The following SEC63 variants were observed in gnomAD, a reference collection of about 807,000 sequenced individuals.
SEC63 encodes SEC63 protein translocation regulator.
A neutral mutation model predicts 116.2 loss-of-function variants in SEC63; 56 were observed. The observed-to-expected ratio is 0.48, with a 90% CI of 0.39 to 0.60. The LOEUF is 0.60. SEC63 is among the 20% of genes least tolerant of loss of function. The probability of loss-of-function intolerance (pLI) is 0.00; values close to 1 mark genes in which losing one functional copy is unlikely to be tolerated. For synonymous variants in SEC63, 273 were observed against 294.6 expected (o/e 0.93, Z 0.75); for missense variants, 668 against 900.0 (o/e 0.74, Z 3.30).
intron 1 of SEC63, among the ~76,000 whole-genome samples, chr6:107,933,769 T>C (rs4945799): frequency 3.3e-5 from 5 of 150,940 alleles, no homozygotes; most frequent in Admixed American, 1.3e-4. Context: ...CTCTGATGTC[T>C]AGCCGAAGCT....
intron 4 of SEC63, among the ~76,000 whole-genome samples, chr6:107,916,476 C>A (rs1338111158): frequency 6.6e-6 from 1 of 152,176 alleles, no homozygotes; most frequent in Non-Finnish European, 1.5e-5. Context: ...GTGATATCTC[C>A]CAAACTTCTG....
chr6:107,901,831 T>G (rs1352234523), intron 12 of SEC63, among the ~76,000 whole-genome samples: 2 of 152,124 alleles, frequency 1.3e-5, no homozygotes, highest in African/African-American at 2.4e-5. Flanking sequence ...CCTCAGTTTA[T>G]TTTCAATTTT....
intron 10 of SEC63, among the ~76,000 whole-genome samples, chr6:107,905,084 G>A (rs1787116478): frequency 6.6e-6 from 1 of 152,210 alleles, no homozygotes; most frequent in Non-Finnish European, 1.5e-5. Context: ...CAGGGGGAGA[G>A]ATAAGAGACG....
chr6:107,927,778 AATG>A lies in SEC63; in HGVS notation c.224+1634_224+1636del, dbSNP rs575989795. 1.2e-3 allele frequency among the ~76,000 whole-genome samples: 176 copies of A among 152,302 alleles called. 2 individuals are homozygous for A. The highest frequency in any genetic ancestry group is 4.1e-3 in the African/African-American group (170 of 41,552). ...ATGGATGCTCAAGTCCGCAGTATAA[AATG>A]ATGTAGTATTTGCATATAACCTATA... is the stretch of plus-strand genomic sequence containing the variant. On this transcript the variant is annotated intron_variant, in intron 2 of 20. Coordinates refer to ENST00000369002, the MANE Select transcript of SEC63 (RefSeq NM_007214.5).
At chr6:107,894,026 A>G (rs1786756744) in intron 14 of SEC63, 129 bp from the exon 15 acceptor site, 2 of 960,200 alleles carry the variant, frequency 2.1e-6, no homozygotes, top group Non-Finnish European at 1.6e-6. Context: ...AAAGAAGGAG[A>G]CGTTTAGCAA....
chr6:107,946,025 C>T (rs1377328709), intron 1 of SEC63, among the ~76,000 whole-genome samples: 1 of 152,100 alleles, frequency 6.6e-6, no homozygotes, highest in African/African-American at 2.4e-5. Context: ...TAACCTCTGC[C>T]TCCCAGGTTC....
intron 1 of SEC63, among the ~76,000 whole-genome samples, chr6:107,946,994 ACT>A (rs1486147001): frequency 2.0e-5 from 3 of 152,092 alleles, no homozygotes; most frequent in Non-Finnish European, 2.9e-5. Flanking sequence ...ACAGGGCAAG[ACT>A]CTGTCTCAAA....
At position 107,921,902 on chromosome 6, in the gene SEC63, G is replaced by C. The variant is rs141934403; in HGVS notation, c.347C>G (p.Thr116Arg). The C allele has an allele frequency of 3.9e-6, 6 of 1,530,532 alleles. No homozygotes were observed. In the African/African-American group the frequency reaches 1.0e-4, roughly 26 times the overall value. The allele number at this position is 1,530,532 out of a possible 1,614,324, so 94.8% of individuals were successfully genotyped here. A position where few individuals can be genotyped will look rare whatever the true frequency, so the allele number is the denominator to read the frequency against. The change falls in exon 4 of 21, where the codon ACA (threonine) becomes AGA (arginine). Residue 116 changes from threonine (T) to arginine (R), a missense_variant. Thr to Arg is a moderately conservative substitution (Grantham distance 71, BLOSUM62 -1). Transcript: ENST00000369002. ...YEVLNLDPGATVAEIKKQYRL... is the reference protein window; with the variant it reads ...YEVLNLDPGARVAEIKKQYRL... ...ATATTGTTTTTTAATTTCTGCTACT[G>C]TGGCTCCCTGGGGAAAAACAAAAAA...
intron 16 of SEC63, among the ~76,000 whole-genome samples, chr6:107,885,519 G>A (rs569273970): frequency 9.2e-5 from 14 of 152,182 alleles, no homozygotes; most frequent in African/African-American, 2.9e-4. Context: ...AATTAATGAA[G>A]ATAAACCACA....
At chr6:107,952,531 G>C (rs1174049395) in intron 1 of SEC63, among the ~76,000 whole-genome samples, 1 of 152,176 alleles carries the variant, frequency 6.6e-6, no homozygotes. Flanking sequence ...GCCGAGGTGG[G>C]CAGATCCCTT....
intron 2 of SEC63, among the ~76,000 whole-genome samples, chr6:107,927,129 C>T (rs1787693631): frequency 6.6e-6 from 1 of 152,156 alleles, no homozygotes; most frequent in South Asian, 2.1e-4. Flanking sequence ...GTGGCACAAT[C>T]TCGGCTCACT....
chr6:107,901,306 CAAAT>C, intron 13 of SEC63, 60 bp downstream of exon 13: 1 of 1,495,954 alleles, frequency 6.7e-7, no homozygotes, highest in Admixed American at 1.7e-5. Flanking sequence ...AATCCTGAGT[CAAAT>C]AAATGAGAAC....
chr6:107,906,371 A>G (rs1318631310), intron 10 of SEC63, 77 bp downstream of exon 10: 24 of 1,478,818 alleles, frequency 1.6e-5, no homozygotes, highest in Non-Finnish European at 2.2e-5. Context: ...AGAACAAACT[A>G]ATACACACCA....
chr6:107,920,393 T>A (rs1213142587), intron 4 of SEC63, among the ~76,000 whole-genome samples: 1 of 123,324 alleles, frequency 8.1e-6, no homozygotes, highest in Admixed American at 1.2e-4. Context: ...GCCACTGCAG[T>A]CCAGCCTGGG....
Position 107,871,707 on chromosome 6 carries a change from G to A in SEC63, c.2280C>T (p.Asp760=), listed in dbSNP as rs1270969894. The change falls in exon 21 of 21, where the codon GAC becomes GAT. Residue 760 remains aspartate (D), a synonymous_variant. Coordinates refer to ENST00000369002, the MANE Select transcript of SEC63 (RefSeq NM_007214.5). ...EEEEEEEEDD[D] The stretch of plus-strand genomic sequence containing the variant: ...TGTGGTCCATTCAGAGTACTGCTTA[G>A]TCATCATCTTCTTCTTCCTCCTCTT... 6.2e-7 allele frequency: 1 copy of A among 1,612,168 alleles called. No homozygotes were observed. Among genetic ancestry groups the A allele is most frequent in the Non-Finnish European group, 8.5e-7 (1 of 1,179,704 alleles).
At chr6:107,905,248 G>C (rs1247398316) in intron 10 of SEC63, among the ~76,000 whole-genome samples, 2 of 152,178 alleles carry the variant, frequency 1.3e-5, no homozygotes, top group East Asian at 3.8e-4. Flanking sequence ...AAATGGAGAT[G>C]CTTATGTATC....
At chr6:107,917,404 G>T (rs895545280) in intron 4 of SEC63, among the ~76,000 whole-genome samples, 1 of 151,818 alleles carries the variant, frequency 6.6e-6, no homozygotes, top group Non-Finnish European at 1.5e-5. Flanking sequence ...CTCTAGGGCC[G>T]CTGGGTTAGG....
At chr6:107,942,266 A>G (rs898386804) in intron 1 of SEC63, among the ~76,000 whole-genome samples, 1 of 152,164 alleles carries the variant, frequency 6.6e-6, no homozygotes, top group Non-Finnish European at 1.5e-5. Context: ...AGCCAGGACT[A>G]TACATCCTTT....
chr6:107,938,247 A>ATT (rs4028676), intron 1 of SEC63, among the ~76,000 whole-genome samples: 10,753 of 133,920 alleles, frequency 0.08, 1,365 homozygotes, highest in African/African-American at 0.26. Flanking sequence ...TGGTGAGTTA[A>ATT]TTTTTTTTTT....
Sources: gnomAD v4.1 joint callset for allele counts (sites outside exome capture counted in the v4.1 genomes callset) on GRCh38, gnomAD v4.1.1 for gene constraint, MANE v1.5 for transcripts, NCBI Gene and HGNC (gene_info 2026-07-23, HGNC 2026-07-21) for gene names.